The following RBMS3 variants were observed in gnomAD, a reference collection of about 807,000 sequenced individuals.
RBMS3 encodes RNA binding motif single stranded interacting protein 3, also known as RNA-binding motif, single-stranded-interacting protein 3.
A neutral mutation model predicts 66.8 loss-of-function variants in RBMS3; 27 were observed. The observed-to-expected ratio is 0.40, with a 90% CI of 0.30 to 0.56. RBMS3 has a LOEUF of 0.56. Ranked by LOEUF, RBMS3 falls within the 20% of genes least tolerant of loss-of-function variation. The probability of loss-of-function intolerance (pLI) is 0.40; values close to 1 mark genes in which losing one functional copy is unlikely to be tolerated. For missense variants in RBMS3, 513 were observed against 549.5 expected, an observed-to-expected ratio of 0.93 and a Z score of 0.66; for synonymous variants, 188 against 183.0, an observed-to-expected ratio of 1.03 and a Z score of -0.22.
At chr3:29,287,674 G>A (rs2032469684) in intron 1 of RBMS3, among the ~76,000 whole-genome samples, 1 of 151,990 alleles carries the variant, frequency 6.6e-6, no homozygotes, top group Non-Finnish European at 1.5e-5. Context: ...ATTTAATACA[G>A]TGTTTTTGAA....
intron 2 of RBMS3, among the ~76,000 whole-genome samples, chr3:29,484,561 T>C (rs1559400847): frequency 6.6e-6 from 1 of 152,176 alleles, no homozygotes; most frequent in African/African-American, 2.4e-5. Context: ...GATTACAATT[T>C]TAACATATTA....
chr3:29,563,563 C>G (rs575812127), intron 3 of RBMS3, among the ~76,000 whole-genome samples: 5 of 152,074 alleles, frequency 3.3e-5, no homozygotes, highest in Non-Finnish European at 5.9e-5. Flanking sequence ...ACTAATTACA[C>G]GGGAACAAAA....
chr3:29,346,041 T>A (rs1037118724), intron 1 of RBMS3, among the ~76,000 whole-genome samples: 3 of 152,224 alleles, frequency 2.0e-5, no homozygotes, highest in African/African-American at 4.8e-5. Context: ...AGGTCTATTA[T>A]CCCAGCCCCT....
intron 6 of RBMS3, among the ~76,000 whole-genome samples, chr3:29,855,971 A>G (rs1176251681): frequency 2.6e-5 from 4 of 152,246 alleles, no homozygotes; most frequent in African/African-American, 4.8e-5. Flanking sequence ...AAAAAAAGGC[A>G]TATAAATAAA....
chr3:29,406,852 A>C (rs948883018), intron 1 of RBMS3, among the ~76,000 whole-genome samples: 2 of 152,252 alleles, frequency 1.3e-5, no homozygotes, highest in African/African-American at 4.8e-5. Context: ...AAGTAGTAAA[A>C]CAATAGTTAA....
At chr3:29,517,684 G>A (rs987683378) in intron 3 of RBMS3, among the ~76,000 whole-genome samples, 3 of 152,008 alleles carry the variant, frequency 2.0e-5, no homozygotes, top group Non-Finnish European at 2.9e-5. Flanking sequence ...TATTTCTATT[G>A]GACAGTATGA....
chr3:29,602,471 A>G (rs904382261), intron 4 of RBMS3, among the ~76,000 whole-genome samples: 37 of 152,004 alleles, frequency 2.4e-4, no homozygotes, highest in Admixed American at 2.0e-4. Context: ...TCTCATAGGG[A>G]CTGTTAGCAC....
chr3:29,955,418 C>T (rs1246901851), intron 12 of RBMS3, among the ~76,000 whole-genome samples: 1 of 152,008 alleles, frequency 6.6e-6, no homozygotes, highest in Non-Finnish European at 1.5e-5. Flanking sequence ...GTCACTGCCA[C>T]TCATACCTTT....
At chr3:29,800,845 C>G (rs1185772705) in intron 6 of RBMS3, among the ~76,000 whole-genome samples, 3 of 152,048 alleles carry the variant, frequency 2.0e-5, no homozygotes, top group Non-Finnish European at 2.9e-5. Flanking sequence ...GTATTTTGCT[C>G]TTTTATAGGA....
chr3:29,667,050 A>G (rs2050794530), intron 4 of RBMS3, among the ~76,000 whole-genome samples: 1 of 152,222 alleles, frequency 6.6e-6, no homozygotes, highest in Non-Finnish European at 1.5e-5. Context: ...AATGTAAATT[A>G]ATATTTAATA....
intron 4 of RBMS3, among the ~76,000 whole-genome samples, chr3:29,736,409 C>G (rs1020687456): frequency 2.6e-5 from 4 of 152,186 alleles, no homozygotes; most frequent in African/African-American, 7.2e-5. Context: ...CCATTTTGAG[C>G]AGCTGCAATG....
At chr3:29,728,630 C>T (rs2053990509) in intron 4 of RBMS3, among the ~76,000 whole-genome samples, 1 of 152,148 alleles carries the variant, frequency 6.6e-6, no homozygotes, top group Admixed American at 6.5e-5. Context: ...TATACACACA[C>T]AGCACACCAC....
At chr3:29,730,120 T>C (rs2054067797) in intron 4 of RBMS3, among the ~76,000 whole-genome samples, 1 of 152,102 alleles carries the variant, frequency 6.6e-6, no homozygotes, top group Admixed American at 6.6e-5. Flanking sequence ...CAATGGATAA[T>C]TTTAGTACAA....
intron 1 of RBMS3, among the ~76,000 whole-genome samples, chr3:29,373,306 A>G (rs1408826436): frequency 6.6e-6 from 1 of 152,228 alleles, no homozygotes; most frequent in East Asian, 1.9e-4. Context: ...AAGAAAAAAG[A>G]TACTATTTGG....
chr3:29,676,909 C>T (rs915034623), intron 4 of RBMS3, among the ~76,000 whole-genome samples: 24 of 152,058 alleles, frequency 1.6e-4, no homozygotes, highest in Non-Finnish European at 5.9e-5. Context: ...ATACTTGACA[C>T]TGGGTAATTT....
chr3:29,352,343 T>A (rs1254063101), intron 1 of RBMS3, among the ~76,000 whole-genome samples: 1 of 152,072 alleles, frequency 6.6e-6, no homozygotes, highest in African/African-American at 2.4e-5. Context: ...CCTTTTATAG[T>A]GCATGATATA....
At chr3:29,963,834 A>AG in intron 12 of RBMS3, among the ~76,000 whole-genome samples, 1 of 148,436 alleles carries the variant, frequency 6.7e-6, no homozygotes, top group East Asian at 1.9e-4. Flanking sequence ...CCTCCAAAAA[A>AG]AAAAAAAAAA....
rs548430329 is a variant in RBMS3 at position 29,871,452 on chromosome 3, T to C, written c.744+2488T>C. 2.7e-4 allele frequency among the ~76,000 whole-genome samples: 41 copies of C among 152,186 alleles called. No homozygotes were observed. The South Asian group carries it at 8.1e-3, about 30-fold the overall frequency. ...TCATGACTGAGACAAGTAACTTTCT[T>C]TGGTGTCTGTTTTTAATGTGTAGTT... On this transcript the variant is annotated intron_variant, in intron 7 of 14. Transcript: ENST00000383767.
At chr3:29,601,466 A>G (rs1559501314) in intron 4 of RBMS3, among the ~76,000 whole-genome samples, 1 of 152,042 alleles carries the variant, frequency 6.6e-6, no homozygotes, top group Non-Finnish European at 1.5e-5. Flanking sequence ...AATGGTCTCC[A>G]TATAGAGACA....
Sources: gnomAD v4.1 joint callset for allele counts (sites outside exome capture counted in the v4.1 genomes callset) on GRCh38, gnomAD v4.1.1 for gene constraint, MANE v1.5 for transcripts, NCBI Gene and HGNC (gene_info 2026-07-23, HGNC 2026-07-21) for gene names.